Variants in CDYL2 observed in about 807,000 individuals in gnomAD.
CDYL2 encodes chromodomain Y like 2, also known as chromodomain Y-like protein 2.
CDYL2 carries 23 observed loss-of-function variants against 49.4 expected under a neutral mutation model. That is an observed-to-expected ratio of 0.47 (90% CI 0.34 to 0.66). The LOEUF (loss-of-function observed/expected upper bound fraction) is 0.66. CDYL2 is among the 30% of genes least tolerant of loss of function. The pLI is 0.01. For synonymous variants in CDYL2, 360 were observed against 268.8 expected (o/e 1.34, Z -3.32); for missense variants, 678 against 656.4 (o/e 1.03, Z -0.36).
chr16:80,767,858 G>A (rs1008880212), intron 1 of CDYL2, among the ~76,000 whole-genome samples: 1 of 152,308 alleles, frequency 6.6e-6, no homozygotes, highest in South Asian at 2.1e-4. Context: ...GTCACCAAGT[G>A]GCACCTTGTT....
In CDYL2 at chr16:80,804,104, C is replaced by T. The variant is rs558307416; in HGVS notation, c.24+46G>A. The T allele has an allele frequency of 3.9e-4, 397 of 1,017,230 alleles. 1 individual carries two copies. In the African/African-American group the frequency reaches 6.6e-3, roughly 17 times the overall value. 63.0% of individuals were successfully genotyped at this position (1,017,230 alleles called of 1,614,324 possible). A position where few individuals can be genotyped will look rare whatever the true frequency, so the allele number is the denominator to read the frequency against. Reference sequence around the variant, plus strand: ...CCCGCCGCCCGCCGCCGCCGCCCGCCGCCGCCCGCTGACTGGGGCCGGCCC... The same window carrying T: ...CCCGCCGCCCGCCGCCGCCGCCCGCTGCCGCCCGCTGACTGGGGCCGGCCC... On this transcript the variant is annotated intron_variant, in intron 1 of 6. Transcript: ENST00000570137.
chr16:80,619,716 G>C (rs577590552), intron 4 of CDYL2, among the ~76,000 whole-genome samples: 2 of 152,206 alleles, frequency 1.3e-5, no homozygotes, highest in African/African-American at 4.8e-5. Context: ...GCCCAGGCTC[G>C]TCATGTCTCT....
chr16:80,748,052 A>G (rs1905992193), intron 1 of CDYL2, among the ~76,000 whole-genome samples: 1 of 151,612 alleles, frequency 6.6e-6, no homozygotes, highest in South Asian at 2.1e-4. Context: ...AGTGACCAGA[A>G]TGTTACACAC....
At chr16:80,791,170 T>C (rs939843106) in intron 1 of CDYL2, among the ~76,000 whole-genome samples, 17 of 152,300 alleles carry the variant, frequency 1.1e-4, no homozygotes, top group African/African-American at 4.1e-4. Context: ...ATGCTTTCGG[T>C]GAGTTTGGCT....
intron 2 of CDYL2, among the ~76,000 whole-genome samples, chr16:80,668,021 G>C (rs1353211624): frequency 6.6e-6 from 1 of 152,204 alleles, no homozygotes; most frequent in South Asian, 2.1e-4. Flanking sequence ...CCCACATTTA[G>C]AAACTAAAAT....
At chr16:80,637,032 A>C (rs1175886181) in intron 2 of CDYL2, among the ~76,000 whole-genome samples, 2 of 152,176 alleles carry the variant, frequency 1.3e-5, no homozygotes, top group Non-Finnish European at 2.9e-5. Context: ...GGAGAGGAAC[A>C]TCACACACCG....
chr16:80,598,640 G>A lies in CDYL2; in HGVS notation c.*5748C>T, dbSNP rs1282130700. 3 of 152,284 alleles carry A rather than the reference G, an allele frequency of 2.0e-5. No individual in the cohort carries two copies. Among genetic ancestry groups the A allele is most frequent in the South Asian group, 4.1e-4 (2 of 4,820 alleles). The allele number at this position is 152,284 out of a possible 1,614,324, so 9.4% of individuals were successfully genotyped here. A position where few individuals can be genotyped will look rare whatever the true frequency, so the allele number is the denominator to read the frequency against. On this transcript the variant is annotated 3_prime_UTR_variant, in exon 7 of 7. Transcript: ENST00000570137. ...GAGTCTACACTGGCCAGATAACCTG[G>A]AGGAGTACCAGGCCTCCACTTTTAT...
chr16:80,767,435 C>G (rs1906763748), intron 1 of CDYL2, among the ~76,000 whole-genome samples: 1 of 152,170 alleles, frequency 6.6e-6, no homozygotes, highest in South Asian at 2.1e-4. Context: ...GTGAGAATAA[C>G]TGCAGCCATT....
intron 1 of CDYL2, among the ~76,000 whole-genome samples, chr16:80,757,299 G>C (rs1290643788): frequency 6.6e-6 from 1 of 152,016 alleles, no homozygotes; most frequent in Non-Finnish European, 1.5e-5. Context: ...AATATATTTG[G>C]GAGGCTGGGG....
At chr16:80,755,631 T>C (rs1906285815) in intron 1 of CDYL2, among the ~76,000 whole-genome samples, 1 of 152,166 alleles carries the variant, frequency 6.6e-6, no homozygotes, top group Admixed American at 6.5e-5. Context: ...AAACTTATCC[T>C]AAGTACCTGA....
At chr16:80,657,010 C>T (rs138797241) in intron 2 of CDYL2, among the ~76,000 whole-genome samples, 6 of 152,074 alleles carry the variant, frequency 3.9e-5, no homozygotes, top group Non-Finnish European at 1.5e-5. Flanking sequence ...CAGGTAGAGG[C>T]GAACACAAAA....
At chr16:80,627,869 C>G (rs1180131882) in intron 3 of CDYL2, 1 of 152,252 alleles carries the variant, frequency 6.6e-6, no homozygotes, top group Non-Finnish European at 1.5e-5. Flanking sequence ...CTAGCTGTCA[C>G]TTGCACCTGC....
chr16:80,716,381 G>T (rs138064964), intron 1 of CDYL2, among the ~76,000 whole-genome samples: 58 of 152,330 alleles, frequency 3.8e-4, no homozygotes, highest in Middle Eastern at 3.4e-3. Context: ...ATACTGGATG[G>T]CTGGGTAGAT....
intron 1 of CDYL2, among the ~76,000 whole-genome samples, chr16:80,751,747 C>T (rs113190149): frequency 6.6e-6 from 1 of 152,198 alleles, no homozygotes; most frequent in Non-Finnish European, 1.5e-5. Flanking sequence ...AACTCAGGAC[C>T]TGCCCAGGCA....
intron 2 of CDYL2, among the ~76,000 whole-genome samples, chr16:80,645,663 C>G (rs1908307312): frequency 6.6e-6 from 1 of 152,112 alleles, no homozygotes; most frequent in Non-Finnish European, 1.5e-5. Flanking sequence ...ATAAATCATG[C>G]TGCTATAAAG....
At chr16:80,804,706 C>T (rs1217943321), upstream of CDYL2, among the ~76,000 whole-genome samples, 1 of 148,302 alleles carries the variant, frequency 6.7e-6, no homozygotes, top group African/African-American at 2.5e-5. Context: ...GACTAGCGCT[C>T]GGGCCCGCCC....
Position 80,710,487 on chromosome 16 carries a change from C to T in CDYL2, c.25-25358G>A, listed in dbSNP as rs182635959. ...ACTAAAGTGTTGATTGTGACACTGA[C>T]GTGGATGTGCGTGTGTTTGTGTGCA... On this transcript the variant is annotated intron_variant, in intron 1 of 6. Transcript: ENST00000570137. Among the ~76,000 whole-genome samples the T allele has an allele frequency of 2.0e-4, 30 of 152,240 alleles. 2 individuals carry two copies. The highest frequency in any genetic ancestry group is 6.8e-3 in the Middle Eastern group (2 of 294).
Position 80,632,832 on chromosome 16 carries a change from G to T in CDYL2, c.834+187C>A, listed in dbSNP as rs527465624. The T allele has an allele frequency of 1.9e-5, 11 of 584,460 alleles. No individual in the cohort carries two copies. In the African/African-American group the frequency reaches 2.1e-4, roughly 11 times the overall value. 36.2% of individuals were successfully genotyped at this position (584,460 alleles called of 1,614,324 possible). A position where few individuals can be genotyped will look rare whatever the true frequency, so the allele number is the denominator to read the frequency against. The stretch of plus-strand genomic sequence containing the variant: ...TAAGATGAGAGGGTATCATTACACG[G>T]TCATAAAGATCAAATGGGATAATGT... On this transcript the variant is annotated intron_variant, in intron 3 of 6. Transcript: ENST00000570137.
At chr16:80,665,397 T>C (rs906890680) in intron 2 of CDYL2, among the ~76,000 whole-genome samples, 30 of 151,588 alleles carry the variant, frequency 2.0e-4, no homozygotes, top group African/African-American at 7.0e-4. Context: ...CAGCACTCAA[T>C]GCCATGCCTG....
Sources: allele counts gnomAD v4.1 joint callset (sites outside exome capture counted in the v4.1 genomes callset), GRCh38; gene constraint gnomAD v4.1.1; transcripts MANE v1.5; gene names NCBI Gene and HGNC (gene_info 2026-07-23, HGNC 2026-07-21).